The following PTPRG variants were observed in gnomAD, a reference collection of about 807,000 sequenced individuals.
PTPRG encodes receptor-type tyrosine-protein phosphatase gamma.
Under a neutral mutation model 165.3 loss-of-function variants are expected in PTPRG, and 102 were observed. The ratio of observed to expected loss-of-function variants is 0.62; its 90% CI spans 0.53 to 0.73. The LOEUF is 0.73. Ranked by LOEUF, PTPRG falls within the 30% of genes least tolerant of loss-of-function variation. PTPRG has a pLI of 0.00. For synonymous variants in PTPRG, 675 were observed against 669.5 expected (o/e 1.01, Z -0.13); for missense variants, 1,866 against 1,861.4 (o/e 1.00, Z -0.05).
chr3:61,804,725 A>G (rs1355742319), intron 2 of PTPRG, among the ~76,000 whole-genome samples: 2 of 151,958 alleles, frequency 1.3e-5, no homozygotes, highest in East Asian at 1.9e-4. Context: ...TCAAAGAGAT[A>G]AAGAAGATGT....
intron 4 of PTPRG, among the ~76,000 whole-genome samples, chr3:62,058,201 T>C (rs1700691535): frequency 6.6e-6 from 1 of 152,236 alleles, no homozygotes; most frequent in Non-Finnish European, 1.5e-5. Flanking sequence ...TAGCCCAAGC[T>C]ATCTTTATTG....
At position 62,069,684 on chromosome 3, in the gene PTPRG, T is replaced by TCTCTGTCA. The variant is rs542306888; in HGVS notation, c.520-8478_520-8477insTCTGTCAC. Among the ~76,000 whole-genome samples the TCTCTGTCA allele has an allele frequency of 1.9e-4, 27 of 145,070 alleles. 1 individual carries two copies. Among genetic ancestry groups the TCTCTGTCA allele is most frequent in the South Asian group, 1.8e-3 (8 of 4,370 alleles). On this transcript the variant is annotated intron_variant, in intron 4 of 29. Coordinates refer to ENST00000474889, the MANE Select transcript of PTPRG (RefSeq NM_002841.4). ...CTCTCTCTCTCTCTCTCTCTCTCTC[T>TCTCTGTCA]CACACACAGACACACGCACACACAC...
chr3:62,229,891 T>G lies in PTPRG; in HGVS notation c.2289-1334T>G, dbSNP rs1700854655. On this transcript the variant is annotated intron_variant, in intron 13 of 29. Coordinates refer to ENST00000474889, the MANE Select transcript of PTPRG (RefSeq NM_002841.4). The surrounding 1 kb of genome is among the most constrained non-coding windows in gnomAD (Gnocchi z 4.6). Reference sequence around the variant, plus strand: ...GCTCCAAAATTCCTGAAAGAGTGAATCTGGCAGAATTCAGAGTAGGGCTAA... The same window carrying G: ...GCTCCAAAATTCCTGAAAGAGTGAAGCTGGCAGAATTCAGAGTAGGGCTAA... Among the ~76,000 whole-genome samples the G allele has an allele frequency of 1.3e-5, 2 of 152,200 alleles. No homozygotes were observed.
rs1699959579 is a variant in PTPRG, at chr3:62,036,943, C to T, written c.519+33446C>T. 4.0e-5 allele frequency among the ~76,000 whole-genome samples: 6 copies of T among 151,728 alleles called. No homozygotes were observed. The South Asian group carries it at 1.3e-3, about 32-fold the overall frequency. On this transcript the variant is annotated intron_variant, in intron 4 of 29. Transcript: ENST00000474889. ...GAAAACTCAGGCTCGTTTGCCACCACTTCCCTACCTCCCTCAGTGCTGCAC... is the reference window on the plus strand; with the variant it reads ...GAAAACTCAGGCTCGTTTGCCACCATTTCCCTACCTCCCTCAGTGCTGCAC...
chr3:61,829,164 C>A (rs1559635639), intron 2 of PTPRG, among the ~76,000 whole-genome samples: 1 of 152,090 alleles, frequency 6.6e-6, no homozygotes, highest in Non-Finnish European at 1.5e-5. Flanking sequence ...CTCATGCATC[C>A]CAACAAAGGC....
intron 2 of PTPRG, among the ~76,000 whole-genome samples, chr3:61,835,488 C>G (rs930942718): frequency 6.6e-6 from 1 of 152,038 alleles, no homozygotes; most frequent in African/African-American, 2.4e-5. Context: ...CACACGCCAC[C>G]ACACCTGGCT....
intron 7 of PTPRG, among the ~76,000 whole-genome samples, chr3:62,159,558 A>G (rs1704668054): frequency 6.6e-6 from 1 of 152,098 alleles, no homozygotes; most frequent in African/African-American, 2.4e-5. Flanking sequence ...TTTGATCACC[A>G]TTTTTGTAAC....
chr3:62,221,643 C>G (rs995719454), intron 13 of PTPRG, among the ~76,000 whole-genome samples: 3 of 152,166 alleles, frequency 2.0e-5, no homozygotes, highest in African/African-American at 7.2e-5. Context: ...GATTGGCAAA[C>G]AGACTTGACA....
chr3:62,126,185 T>C (rs76327018), intron 5 of PTPRG, among the ~76,000 whole-genome samples: 1 of 152,192 alleles, frequency 6.6e-6, no homozygotes, highest in Middle Eastern at 3.2e-3. Context: ...TTTCCAGTAA[T>C]GCACTCCTCC....
intron 2 of PTPRG, among the ~76,000 whole-genome samples, chr3:61,812,578 C>T (rs2035619318): frequency 6.6e-6 from 1 of 152,200 alleles, no homozygotes; most frequent in African/African-American, 2.4e-5. Context: ...GATGCCTTTG[C>T]TCACCAAAAG....
rs572413623 is a variant in PTPRG at position 62,175,097 on chromosome 3, AC to A, written c.1033+6935del. Among the ~76,000 whole-genome samples, 316 of 152,330 alleles carry A rather than the reference AC, an allele frequency of 2.1e-3. 1 individual carries two copies. Among genetic ancestry groups the A allele is most frequent in the African/African-American group, 6.9e-3 (287 of 41,574 alleles). ...ATATCCAACATTTTTAAATGCTCAG[AC>A]ATTTCATGATTACTCTAAGTTTATG... is the stretch of plus-strand genomic sequence containing the variant. On this transcript the variant is annotated intron_variant, in intron 8 of 29. Transcript: ENST00000474889.
intron 14 of PTPRG, among the ~76,000 whole-genome samples, chr3:62,239,859 T>C (rs1701118957): frequency 6.6e-6 from 1 of 152,154 alleles, no homozygotes; most frequent in African/African-American, 2.4e-5. Context: ...TCGTGGAAAT[T>C]CCCTGAAATG....
At chr3:61,900,106 A>G (rs1208208483) in intron 2 of PTPRG, among the ~76,000 whole-genome samples, 1 of 152,194 alleles carries the variant, frequency 6.6e-6, no homozygotes, top group African/African-American at 2.4e-5. Context: ...CTCAAATTAC[A>G]AGTATCAAAT....
intron 1 of PTPRG, among the ~76,000 whole-genome samples, chr3:61,619,681 A>G (rs1439234543): frequency 1.3e-5 from 2 of 152,200 alleles, no homozygotes; most frequent in Non-Finnish European, 2.9e-5. Context: ...TGGGTGTATG[A>G]AACATGAATT....
intron 2 of PTPRG, among the ~76,000 whole-genome samples, chr3:61,939,376 G>A (rs1300990871): frequency 6.6e-6 from 1 of 152,120 alleles, no homozygotes; most frequent in Non-Finnish European, 1.5e-5. Flanking sequence ...TATGCACAGG[G>A]CTCATAAAAA....
chr3:61,623,280 G>T (rs1380634486), intron 1 of PTPRG, among the ~76,000 whole-genome samples: 4 of 152,144 alleles, frequency 2.6e-5, no homozygotes, highest in Non-Finnish European at 5.9e-5. Flanking sequence ...TTTAGACATG[G>T]CATTCCCAAG....
intron 12 of PTPRG, among the ~76,000 whole-genome samples, chr3:62,216,223 A>G (rs1700500871): frequency 6.6e-6 from 1 of 151,630 alleles, no homozygotes; most frequent in African/African-American, 2.4e-5. Flanking sequence ...AAAAAGAAAA[A>G]AAAAAAAAAT....
chr3:61,727,317 C>G (rs911809861), intron 1 of PTPRG, among the ~76,000 whole-genome samples: 9 of 151,938 alleles, frequency 5.9e-5, no homozygotes, highest in Admixed American at 3.9e-4. Context: ...CCACACCCAG[C>G]TAATTTTTTT....
chr3:61,605,897 C>G lies in PTPRG; in HGVS notation c.85+43525C>G, dbSNP rs117979233. Among the ~76,000 whole-genome samples, 547 of 152,318 alleles carry G rather than the reference C, an allele frequency of 3.6e-3. 23 individuals are homozygous for G. The East Asian group carries it at 0.07, about 20-fold the overall frequency. ...CTGACTTGTGAATAAATATGAACAG[C>G]TTGGCTGCCAGAACTAGAAGGCTTT... On this transcript the variant is annotated intron_variant, in intron 1 of 29. Transcript: ENST00000474889.
Sources: allele counts gnomAD v4.1 joint callset (sites outside exome capture counted in the v4.1 genomes callset), GRCh38; gene constraint gnomAD v4.1.1; non-coding constraint Gnocchi (gnomAD v3.1); transcripts MANE v1.5; gene names NCBI Gene and HGNC (gene_info 2026-07-23, HGNC 2026-07-21).